The following EPHB2 variants were observed in gnomAD, a reference collection of about 807,000 sequenced individuals.
The protein encoded by EPHB2 is EPH receptor B2.
EPHB2 carries 18 observed loss-of-function variants against 96.4 expected under a neutral mutation model. That is an observed-to-expected ratio of 0.19 (90% CI 0.13 to 0.28). EPHB2 has a LOEUF of 0.28. Ranked by LOEUF, EPHB2 falls within the 10% of genes least tolerant of loss-of-function variation. The probability of loss-of-function intolerance (pLI) is 1.00; values close to 1 mark genes in which losing one functional copy is unlikely to be tolerated. For missense variants in EPHB2, 989 were observed against 1,355.4 expected (o/e 0.73, Z 4.25); for synonymous variants, 506 against 534.1 (o/e 0.95, Z 0.72).
rs1640211769 is a variant in EPHB2 at position 22,914,462 on chromosome 1, T to G, written c.*892T>G. On this transcript the variant is annotated 3_prime_UTR_variant, in exon 16 of 16. Transcript: ENST00000374630. ...GGTTGATCCTGCATCTGGGTTTGTTTACAGCAATTCCTGGACTCGGGGGTA... is the reference window on the plus strand; with the variant it reads ...GGTTGATCCTGCATCTGGGTTTGTTGACAGCAATTCCTGGACTCGGGGGTA... 6.5e-6 allele frequency: 1 copy of G among 152,972 alleles called. No individual in the cohort carries two copies. Among genetic ancestry groups the G allele is most frequent in the African/African-American group, 2.4e-5 (1 of 41,420 alleles). The allele number at this position is 152,972 out of a possible 1,614,324, so 9.5% of individuals were successfully genotyped here. A position where few individuals can be genotyped will look rare whatever the true frequency, so the allele number is the denominator to read the frequency against.
intron 3 of EPHB2, among the ~76,000 whole-genome samples, chr1:22,807,558 A>G (rs1570314982): frequency 6.6e-6 from 1 of 151,986 alleles, no homozygotes; most frequent in Non-Finnish European, 1.5e-5. Context: ...CCCAGCCTCT[A>G]CCCCCATGGT....
intron 3 of EPHB2, among the ~76,000 whole-genome samples, chr1:22,824,307 A>G (rs1225928016): frequency 1.3e-5 from 2 of 151,976 alleles, no homozygotes; most frequent in African/African-American, 4.8e-5. Flanking sequence ...AAAGAAAGAA[A>G]GAAGGAAAGA....
At chr1:22,810,699 G>A (rs1374499371) in intron 3 of EPHB2, among the ~76,000 whole-genome samples, 1 of 152,184 alleles carries the variant, frequency 6.6e-6, no homozygotes, top group Admixed American at 6.5e-5. Context: ...CAGCAGAGCT[G>A]CCAGGGCAGG....
At chr1:22,754,830 G>T (rs2148384956) in intron 1 of EPHB2, among the ~76,000 whole-genome samples, 2 of 117,942 alleles carry the variant, frequency 1.7e-5, no homozygotes, top group African/African-American at 3.0e-5. Context: ...GGAGGTGAGG[G>T]GCAGGGGAGG....
intron 3 of EPHB2, among the ~76,000 whole-genome samples, chr1:22,805,519 A>T (rs750667228): frequency 6.6e-6 from 1 of 152,004 alleles, no homozygotes; most frequent in Non-Finnish European, 1.5e-5. Context: ...CTGGCACAGG[A>T]TGCTCTCACC....
chr1:22,814,920 A>T (rs531170033), intron 3 of EPHB2, among the ~76,000 whole-genome samples: 68 of 152,360 alleles, frequency 4.5e-4, no homozygotes, highest in African/African-American at 1.6e-3. Flanking sequence ...TCAAAAGCCC[A>T]GCTCGGCTCT....
chr1:22,882,556 G>A, intron 6 of EPHB2, 73 bp downstream of exon 6: 3 of 1,602,594 alleles, frequency 1.9e-6, no homozygotes, highest in Non-Finnish European at 1.7e-6. Flanking sequence ...AGGCCTGGGA[G>A]TTCTGCCCCA....
intron 6 of EPHB2, among the ~76,000 whole-genome samples, chr1:22,885,599 G>A (rs1464276398): frequency 2.0e-5 from 3 of 152,378 alleles, no homozygotes; most frequent in East Asian, 3.9e-4. Flanking sequence ...ACTGAGGCAC[G>A]GAGAAGTTCC....
At chr1:22,909,578 C>T (rs898572129) in intron 13 of EPHB2, among the ~76,000 whole-genome samples, 5 of 152,144 alleles carry the variant, frequency 3.3e-5, no homozygotes, top group African/African-American at 4.8e-5. Flanking sequence ...ACTGAGGCAC[C>T]GGCAGCATGG....
At chr1:22,716,599 A>C (rs1643301942) in intron 1 of EPHB2, among the ~76,000 whole-genome samples, 1 of 152,116 alleles carries the variant, frequency 6.6e-6, no homozygotes, top group Non-Finnish European at 1.5e-5. Flanking sequence ...TTGACCTCCC[A>C]AAGTGCTGGG....
At chr1:22,878,479 C>T (rs1410175756) in intron 5 of EPHB2, among the ~76,000 whole-genome samples, 1 of 152,212 alleles carries the variant, frequency 6.6e-6, no homozygotes, top group African/African-American at 2.4e-5. Context: ...GGTTCCTCTC[C>T]GGAGCCCCAG....
rs747438721 is a variant in EPHB2 at position 22,741,679 on chromosome 1, C to CAAAAAAAAAAAAAAAA, written c.61+30645_61+30646insAAAAAAAAAAAAAAAA. ...CTTGACAGCCTGGTTTTCTTCCCAG[C>CAAAAAAAAAAAAAAAA]AAAAAAAAACAAAAAAACAAAAAAC... On this transcript the variant is annotated intron_variant, in intron 1 of 15. Transcript: ENST00000374630. Among the ~76,000 whole-genome samples, 102 of 73,702 alleles carry CAAAAAAAAAAAAAAAA rather than the reference C, an allele frequency of 1.4e-3. 6 individuals are homozygous for CAAAAAAAAAAAAAAAA. Among genetic ancestry groups the CAAAAAAAAAAAAAAAA allele is most frequent in the South Asian group, 3.4e-3 (6 of 1,762 alleles). The allele number at this position is 73,702 out of a possible 152,430, so 48.4% of individuals were successfully genotyped here. A position where few individuals can be genotyped will look rare whatever the true frequency, so the allele number is the denominator to read the frequency against.
chr1:22,849,371 T>G (rs1420721018), intron 3 of EPHB2, among the ~76,000 whole-genome samples: 1 of 152,286 alleles, frequency 6.6e-6, no homozygotes. Context: ...ATCTGTCTAT[T>G]GCTTCTTTCC....
chr1:22,732,201 C>T (rs538771713), intron 1 of EPHB2, among the ~76,000 whole-genome samples: 1 of 152,264 alleles, frequency 6.6e-6, no homozygotes, highest in Non-Finnish European at 1.5e-5. Flanking sequence ...CATAAGAACC[C>T]ACTTGGAAAG....
rs72653644 is a variant in EPHB2, at chr1:22,742,650, G to C, written c.61+31607G>C. Among the ~76,000 whole-genome samples, 403 of 152,116 alleles carry C rather than the reference G, an allele frequency of 2.6e-3. 1 individual carries two copies. The highest frequency in any genetic ancestry group is 3.8e-3 in the Non-Finnish European group (259 of 67,984). On this transcript the variant is annotated intron_variant, in intron 1 of 15. Transcript: ENST00000374630. ...GCCTCCTGAGTAGCTAGGACTAAAG[G>C]TATATGCCACCATGCCCAGCTAGTT...
At chr1:22,869,099 CT>C (rs1638575575) in intron 5 of EPHB2, among the ~76,000 whole-genome samples, 1 of 151,998 alleles carries the variant, frequency 6.6e-6, no homozygotes, top group Non-Finnish European at 1.5e-5. Context: ...TATAACAAGT[CT>C]TTCCCCCTCC....
chr1:22,909,304 G>A, intron 13 of EPHB2, 133 bp downstream of exon 13: 1 of 1,417,700 alleles, frequency 7.1e-7, no homozygotes, highest in Non-Finnish European at 9.8e-7. Context: ...CTGGCTCCCA[G>A]GGCAGCTGCC....
At chr1:22,873,233 C>G (rs4654825) in intron 5 of EPHB2, among the ~76,000 whole-genome samples, 136,845 of 152,226 alleles carry the variant, frequency 0.9, 63,192 homozygotes, top group East Asian at 1. Context: ...TGTAGTTCAT[C>G]TGCTCCGGGT....
At chr1:22,779,570 G>A (rs945097415) in intron 1 of EPHB2, among the ~76,000 whole-genome samples, 3 of 152,160 alleles carry the variant, frequency 2.0e-5, no homozygotes, top group African/African-American at 7.2e-5. Flanking sequence ...TAGACACTGG[G>A]CACACAGCCC....
Sources: gnomAD v4.1 joint callset for allele counts (sites outside exome capture counted in the v4.1 genomes callset) on GRCh38, gnomAD v4.1.1 for gene constraint, MANE v1.5 for transcripts, NCBI Gene and HGNC (gene_info 2026-07-23, HGNC 2026-07-21) for gene names.